The following VIT variants were observed in gnomAD, a reference collection of about 807,000 sequenced individuals.
VIT encodes the protein vitrin.
Under a neutral mutation model 78.0 loss-of-function variants are expected in VIT, and 99 were observed. The observed-to-expected ratio is 1.27, with a 90% CI of 1.08 to 1.50. The LOEUF is 1.50. Among genes scored for constraint, VIT ranks in the 40% most tolerant of loss-of-function variants. The pLI, the probability that VIT is intolerant of heterozygous loss-of-function variation, is 0.00. For missense variants in VIT, 1,126 were observed against 875.3 expected, an observed-to-expected ratio of 1.29 and a Z score of -3.61; for synonymous variants, 374 against 334.3, an observed-to-expected ratio of 1.12 and a Z score of -1.29.
chr2:36,813,009 G>A (rs1459930650), intron 15 of VIT, among the ~76,000 whole-genome samples: 1 of 139,694 alleles, frequency 7.2e-6, no homozygotes, highest in Non-Finnish European at 1.5e-5. Flanking sequence ...CTACAGGCAT[G>A]TGCCACCACC....
At chr2:36,799,403 T>C (rs898084659) in intron 12 of VIT, among the ~76,000 whole-genome samples, 1 of 152,164 alleles carries the variant, frequency 6.6e-6, no homozygotes, top group Non-Finnish European at 1.5e-5. Context: ...CTGGTGTTTG[T>C]AGAAAGGCTA....
chr2:36,811,108 C>T (rs1180023791), intron 15 of VIT, among the ~76,000 whole-genome samples: 1 of 152,126 alleles, frequency 6.6e-6, no homozygotes. Flanking sequence ...CTTTATGGAG[C>T]CTGTAGGGCA....
intron 14 of VIT, among the ~76,000 whole-genome samples, chr2:36,807,553 G>A (rs1053706389): frequency 1.3e-5 from 2 of 152,174 alleles, no homozygotes; most frequent in Non-Finnish European, 2.9e-5. Flanking sequence ...TATTTTCCAG[G>A]AAAGTTTGAA....
At chr2:36,782,471 T>C (rs1249217758) in intron 10 of VIT, among the ~76,000 whole-genome samples, 1 of 152,190 alleles carries the variant, frequency 6.6e-6, no homozygotes, top group East Asian at 1.9e-4. Context: ...AGTAGAAAGC[T>C]CACTGCAGCC....
rs555617516 is a variant in VIT at position 36,788,914 on chromosome 2, T to A, written c.1058+1638T>A. Among the ~76,000 whole-genome samples, 25 of 152,216 alleles carry A rather than the reference T, an allele frequency of 1.6e-4. No individual in the cohort carries two copies. The South Asian group carries it at 5.2e-3, about 32-fold the overall frequency. On this transcript the variant is annotated intron_variant, in intron 12 of 15. Coordinates refer to ENST00000379242, the MANE Select transcript of VIT (RefSeq NM_053276.4). ...ATGAGAGCATGGATTAGAGAACAAATGTTGCAGGGAAGGAAGAAGAATAAA... is the reference window on the plus strand; with the variant it reads ...ATGAGAGCATGGATTAGAGAACAAAAGTTGCAGGGAAGGAAGAAGAATAAA...
At chr2:36,783,686 G>T (rs1558569162) in intron 11 of VIT, among the ~76,000 whole-genome samples, 1 of 152,186 alleles carries the variant, frequency 6.6e-6, no homozygotes, top group Admixed American at 6.5e-5. Flanking sequence ...GAGGAGACGG[G>T]CAGGTTAGCA....
At chr2:36,725,634 C>A (rs1666794955) in intron 2 of VIT, among the ~76,000 whole-genome samples, 1 of 151,776 alleles carries the variant, frequency 6.6e-6, no homozygotes, top group African/African-American at 2.4e-5. Flanking sequence ...ACATTGAGAC[C>A]ACAGTAGCTG....
At chr2:36,726,515 C>T (rs1334117495) in intron 2 of VIT, among the ~76,000 whole-genome samples, 3 of 152,008 alleles carry the variant, frequency 2.0e-5, no homozygotes, top group Non-Finnish European at 4.4e-5. Flanking sequence ...TAAAAACAGC[C>T]AACATTCACT....
intron 4 of VIT, among the ~76,000 whole-genome samples, chr2:36,744,698 T>C (rs1449362037): frequency 1.3e-5 from 2 of 152,182 alleles, no homozygotes; most frequent in African/African-American, 4.8e-5. Context: ...TTAAGTCCCT[T>C]ATAGATTCTG....
chr2:36,767,156 C>T lies in VIT; in HGVS notation c.550C>T (p.Leu184=). The change falls in exon 7 of 16, where the codon CTG becomes TTG. Residue 184 remains leucine (L), a synonymous_variant. Transcript: ENST00000379242. ...AGGGACAACTGCACAGCCGGTCACT[C>T]TGATGCAGCTTCTGGCTGTCACTGT... is the stretch of plus-strand genomic sequence containing the variant. The part of the protein sequence containing the change: ...IPGTTAQPVT[L]MQLLAVTVAV... The T allele has an allele frequency of 1.9e-6, 3 of 1,611,008 alleles. No individual in the cohort carries two copies. Among genetic ancestry groups the T allele is most frequent in the Non-Finnish European group, 1.7e-6 (2 of 1,178,872 alleles).
intron 7 of VIT, among the ~76,000 whole-genome samples, chr2:36,770,994 A>G (rs914342029): frequency 2.0e-5 from 3 of 152,268 alleles, no homozygotes; most frequent in Non-Finnish European, 1.5e-5. Context: ...AATTTGAGGC[A>G]GGAAGAGAGG....
Position 36,802,492 on chromosome 2 carries a change from C to T in VIT, c.1162+1088C>T, listed in dbSNP as rs553367598. On this transcript the variant is annotated intron_variant, in intron 13 of 15. Coordinates refer to ENST00000379242, the MANE Select transcript of VIT (RefSeq NM_053276.4). ...TTTCCCTTCCCACTTCAGTGTATGT[C>T]TCTATAGTGACCAGAACATTAGTAT... Among the ~76,000 whole-genome samples, 17 of 152,318 alleles carry T rather than the reference C, an allele frequency of 1.1e-4. No homozygotes were observed. The South Asian group carries it at 2.5e-3, about 22-fold the overall frequency.
chr2:36,782,680 A>G (rs1314814268), intron 10 of VIT, among the ~76,000 whole-genome samples: 1 of 152,194 alleles, frequency 6.6e-6, no homozygotes. Flanking sequence ...CTTGGCTCCC[A>G]TGTACATGGC....
At chr2:36,712,243 A>G (rs935434646) in intron 1 of VIT, among the ~76,000 whole-genome samples, 1 of 152,228 alleles carries the variant, frequency 6.6e-6, no homozygotes, top group African/African-American at 2.4e-5. Flanking sequence ...GGTGAGAAAG[A>G]AACTTCACGT....
intron 11 of VIT, among the ~76,000 whole-genome samples, chr2:36,786,156 C>T (rs529819928): frequency 6.6e-6 from 1 of 151,534 alleles, no homozygotes; most frequent in Admixed American, 6.5e-5. Context: ...AAATTTCCAA[C>T]TTTACTCACT....
intron 7 of VIT, among the ~76,000 whole-genome samples, chr2:36,771,733 G>A (rs1205520546): frequency 5.9e-5 from 9 of 152,096 alleles, no homozygotes; most frequent in Admixed American, 5.2e-4. Flanking sequence ...AACCCGGGGT[G>A]AGAACAGATG....
intron 1 of VIT, among the ~76,000 whole-genome samples, chr2:36,702,135 T>C (rs1197322436): frequency 1.3e-5 from 2 of 152,156 alleles, no homozygotes; most frequent in Admixed American, 6.5e-5. Flanking sequence ...AGGCAACCTA[T>C]GTGGGTCCCT....
At chr2:36,702,373 C>G (rs1665118136) in intron 1 of VIT, among the ~76,000 whole-genome samples, 1 of 151,652 alleles carries the variant, frequency 6.6e-6, no homozygotes, top group African/African-American at 2.4e-5. Flanking sequence ...TGCCTCTGCT[C>G]TGGATGAAAT....
rs115953161 is a variant in VIT, at chr2:36,753,656, C to T, written c.276-1265C>T. ...CCTTTGTCAGCAGCACAGGCCTGGTCAGGCAGAGGGAATCAGGTCTTCTGG... is the reference window on the plus strand; with the variant it reads ...CCTTTGTCAGCAGCACAGGCCTGGTTAGGCAGAGGGAATCAGGTCTTCTGG... On this transcript the variant is annotated intron_variant, in intron 4 of 15. Transcript: ENST00000379242. Among the ~76,000 whole-genome samples the T allele has an allele frequency of 7.8e-3, 1,182 of 152,198 alleles. 14 individuals are homozygous for T. The highest frequency in any genetic ancestry group is 0.027 in the African/African-American group (1,127 of 41,494).
Sources: gnomAD v4.1 joint callset for allele counts (sites outside exome capture counted in the v4.1 genomes callset) on GRCh38, gnomAD v4.1.1 for gene constraint, MANE v1.5 for transcripts, NCBI Gene and HGNC (gene_info 2026-07-23, HGNC 2026-07-21) for gene names.